TMEM201: variants seen among roughly 807,000 people sequenced by gnomAD.
The protein encoded by TMEM201 is transmembrane protein 201, also known as RP13-15M17.2.
A neutral mutation model predicts 63.4 loss-of-function variants in TMEM201; 26 were observed. That is an observed-to-expected ratio of 0.41 (90% CI 0.30 to 0.57). The LOEUF is 0.57. TMEM201 is among the 20% of genes least tolerant of loss of function. TMEM201 has a pLI of 0.29. For missense variants in TMEM201, 794 were observed against 917.7 expected (o/e 0.87, Z 1.74); for synonymous variants, 417 against 421.6 (o/e 0.99, Z 0.14).
Position 9,604,641 on chromosome 1 carries a change from G to A in TMEM201, c.1160+2369G>A, listed in dbSNP as rs78370542. On this transcript the variant is annotated intron_variant, in intron 6 of 10. Coordinates refer to ENST00000340381, the MANE Select transcript of TMEM201 (RefSeq NM_001130924.3). The surrounding 1 kb of genome is among the most constrained non-coding windows in gnomAD (Gnocchi z 4.1). ...GGGTGACCGTCCCTGAGACATAAGC[G>A]AGGTAGATTCAGCCATCCTCACCCT... 1.4e-3 allele frequency: 1,382 copies of A among 985,584 alleles called. 19 individuals carry two copies. In the African/African-American group the frequency reaches 0.023, roughly 16 times the overall value. The allele number at this position is 985,584 out of a possible 1,614,324, so 61.1% of individuals were successfully genotyped here. A position where few individuals can be genotyped will look rare whatever the true frequency, so the allele number is the denominator to read the frequency against.
Position 9,605,014 on chromosome 1 carries a change from G to C in TMEM201, c.1161-2543G>C. 1 of 985,758 alleles carries C rather than the reference G, an allele frequency of 1.0e-6. No individual in the cohort carries two copies. Among genetic ancestry groups the C allele is most frequent in the Non-Finnish European group, 1.2e-6 (1 of 829,958 alleles). The allele number at this position is 985,758 out of a possible 1,614,324, so 61.1% of individuals were successfully genotyped here. On this transcript the variant is annotated intron_variant, in intron 6 of 10. Transcript: ENST00000340381. The surrounding 1 kb of genome is among the most constrained non-coding windows in gnomAD (Gnocchi z 5.7). ...TTCTTTCAGAAGGGCTCTGTGCCAG[G>C]GCTGGGGTGGGCAGCTGTGTTTGGG...
intron 1 of TMEM201, among the ~76,000 whole-genome samples, chr1:9,592,323 A>T (rs1391335478): frequency 2.6e-5 from 4 of 152,024 alleles, no homozygotes; most frequent in Admixed American, 2.6e-4. Context: ...AGGGAACCTG[A>T]CTCTTACAGT....
chr1:9,589,689 G>A (rs898153779), intron 1 of TMEM201, among the ~76,000 whole-genome samples: 8 of 152,372 alleles, frequency 5.3e-5, no homozygotes, highest in Non-Finnish European at 1.2e-4. Context: ...CGGGCCCCCG[G>A]GTTCAGATCC....
chr1:9,611,131 AT>A (rs922885713), intron 9 of TMEM201: 1 of 1,226,210 alleles, frequency 8.2e-7, no homozygotes, highest in African/African-American at 1.5e-5. Flanking sequence ...AGCATTTAAA[AT>A]GTTTATAGTT....
rs115348382 is a variant in TMEM201 at position 9,595,845 on chromosome 1, G to A, written c.114-45G>A. The A allele has an allele frequency of 4.9e-3, 7,836 of 1,609,312 alleles. 18 individuals are homozygous for A. Among genetic ancestry groups the A allele is most frequent in the Non-Finnish European group, 5.9e-3 (6,990 of 1,179,576 alleles). ...GGGCATGGAGGTCCCTCTCCAGCAG[G>A]TGCTGGGGTCTTCCAGGCCAACCCG... is the stretch of plus-strand genomic sequence containing the variant. On this transcript the variant is annotated intron_variant, in intron 1 of 10. Transcript: ENST00000340381.
chr1:9,591,541 C>T (rs921359248), intron 1 of TMEM201, among the ~76,000 whole-genome samples: 2 of 152,244 alleles, frequency 1.3e-5, no homozygotes, highest in Admixed American at 1.3e-4. Context: ...GACGCTGCTG[C>T]TCGGGTGCCT....
Position 9,613,009 on chromosome 1 carries a change from C to G in TMEM201, c.1927C>G (p.Arg643Gly). The change falls in exon 11 of 11, where the codon CGG becomes GGG. Residue 643 changes from arginine to glycine, a missense_variant. Coordinates refer to ENST00000340381, the MANE Select transcript of TMEM201 (RefSeq NM_001130924.3). ...WRGRFGPSLV[R>G]GLLAVSLAAN... ...AGGTCGTTTCGGCCCTTCCCTGGTC[C>G]GGGGCCTCCTGGCCGTGAGCTTGGC... 19 of 1,551,548 alleles carry G rather than the reference C, an allele frequency of 1.2e-5. No homozygotes were observed. Among genetic ancestry groups the G allele is most frequent in the Non-Finnish European group, 1.7e-5 (19 of 1,146,950 alleles).
At chr1:9,591,682 A>G (rs1303540747) in intron 1 of TMEM201, among the ~76,000 whole-genome samples, 2 of 152,224 alleles carry the variant, frequency 1.3e-5, no homozygotes, top group Non-Finnish European at 2.9e-5. Flanking sequence ...TTTGGGGACA[A>G]AGAGGATGCA....
chr1:9,602,593 C>A lies in TMEM201; in HGVS notation c.1160+321C>A, dbSNP rs552829434. The A allele has an allele frequency of 7.1e-6, 9 of 1,259,220 alleles. No individual in the cohort carries two copies. The East Asian group carries it at 3.3e-4, about 46-fold the overall frequency. The allele number at this position is 1,259,220 out of a possible 1,614,324, so 78.0% of individuals were successfully genotyped here. ...GGCAGCGCCCACACAGGCTCTGGCC[C>A]ATGGCTTCCTACTGGCAGCTCCAGG... is the stretch of plus-strand genomic sequence containing the variant. On this transcript the variant is annotated intron_variant, in intron 6 of 10. Transcript: ENST00000340381.
Position 9,610,560 on chromosome 1 carries a change from C to T in TMEM201, c.1520C>T (p.Ala507Val), listed in dbSNP as rs1485579280. ...SCPSSPLPSP[A>V]PSVAGSVASS... ...CCCTCCTCCCCACTCCCTTCCCCAGCGCCTTCCGTGGCCGGCTCGGTGGCC... is the reference window on the plus strand; with the variant it reads ...CCCTCCTCCCCACTCCCTTCCCCAGTGCCTTCCGTGGCCGGCTCGGTGGCC... Residue 507 changes from alanine to valine, a missense_variant, in exon 9 of 11, where the codon GCG becomes GTG. Physicochemically the swap from Ala to Val is moderately conservative, Grantham distance 64 (BLOSUM62 0). Transcript: ENST00000340381. This position sits in a 1 kb window ranked among gnomAD's most constrained non-coding sequence, Gnocchi z 4.9. The T allele has an allele frequency of 8.4e-6, 13 of 1,549,692 alleles. No homozygotes were observed. The highest frequency in any genetic ancestry group is 7.3e-5 in the East Asian group (3 of 40,918).
In TMEM201 at chr1:9,603,427, T is replaced by TC; in HGVS notation, c.1160+1158dup. 1 of 985,304 alleles carries TC rather than the reference T, an allele frequency of 1.0e-6. No homozygotes were observed. Among genetic ancestry groups the TC allele is most frequent in the Non-Finnish European group, 1.2e-6 (1 of 829,952 alleles). The allele number at this position is 985,304 out of a possible 1,614,324, so 61.0% of individuals were successfully genotyped here. A position where few individuals can be genotyped will look rare whatever the true frequency, so the allele number is the denominator to read the frequency against. On this transcript the variant is annotated intron_variant, in intron 6 of 10. Transcript: ENST00000340381. This position sits in a 1 kb window ranked among gnomAD's most constrained non-coding sequence, Gnocchi z 4.5. ...CCGGCCTGGGGGCTTTATCCAGGGG[T>TC]CCCAGTCGAGAGTGGCCCGAGGCCG...
intron 1 of TMEM201, among the ~76,000 whole-genome samples, 153 bp downstream of exon 1, chr1:9,589,196 G>T (rs1643879506): frequency 1.3e-5 from 2 of 150,508 alleles, no homozygotes; most frequent in Non-Finnish European, 3.0e-5. Flanking sequence ...CCGAGACCGG[G>T]TTGAGACTGC....
At position 9,608,554 on chromosome 1, in the gene TMEM201, G is replaced by C. The variant is rs1009320582; in HGVS notation, c.1393+765G>C. On this transcript the variant is annotated intron_variant, in intron 7 of 10. Transcript: ENST00000340381. The surrounding 1 kb of genome is among the most constrained non-coding windows in gnomAD (Gnocchi z 4.3). ...AAGCAGAGATACCCCCCTATTTTCA[G>C]GGCACCCCAGCCTGGTGGCACTTGA... 2.0e-5 allele frequency among the ~76,000 whole-genome samples: 3 copies of C among 152,218 alleles called. No individual in the cohort carries two copies. The highest frequency in any genetic ancestry group is 4.4e-5 in the Non-Finnish European group (3 of 68,030).
chr1:9,612,018 A>G (rs1644331368), intron 10 of TMEM201, 128 bp downstream of exon 10: 1 of 1,140,264 alleles, frequency 8.8e-7, no homozygotes, highest in Non-Finnish European at 1.2e-6. Flanking sequence ...GTGGCCGACA[A>G]GTAACCCACC....
At chr1:9,602,815 G>C (rs774581410) in intron 6 of TMEM201, 348 of 987,882 alleles carry the variant, frequency 3.5e-4, no homozygotes, top group Non-Finnish European at 4.1e-4. Context: ...GAGCACCTGT[G>C]GTCTGTCCCC....
At chr1:9,606,094 C>G (rs1557559783) in intron 6 of TMEM201, 1 of 152,316 alleles carries the variant, frequency 6.6e-6, no homozygotes, top group Non-Finnish European at 1.5e-5. Context: ...TAAAGGTGCC[C>G]TCAGGGTCAT....
At chr1:9,595,002 T>C (rs2100458886) in intron 1 of TMEM201, among the ~76,000 whole-genome samples, 1 of 151,390 alleles carries the variant, frequency 6.6e-6, no homozygotes, top group Admixed American at 6.5e-5. Context: ...GAGCTGGAGG[T>C]GGCCCCTGGG....
At position 9,603,642 on chromosome 1, in the gene TMEM201, G is replaced by C; in HGVS notation, c.1160+1370G>C. 1.0e-6 allele frequency: 1 copy of C among 985,478 alleles called. No individual in the cohort carries two copies. The highest frequency in any genetic ancestry group is 1.7e-5 in the African/African-American group (1 of 57,354). 61.0% of individuals were successfully genotyped at this position (985,478 alleles called of 1,614,324 possible). A position where few individuals can be genotyped will look rare whatever the true frequency, so the allele number is the denominator to read the frequency against. Reference sequence around the variant, plus strand: ...TGCATGAGGGTTACACCCGTCACCTGGGTCTGCCGGGATGGGTTGGGGGGG... The same window carrying C: ...TGCATGAGGGTTACACCCGTCACCTCGGTCTGCCGGGATGGGTTGGGGGGG... On this transcript the variant is annotated intron_variant, in intron 6 of 10. Coordinates refer to ENST00000340381, the MANE Select transcript of TMEM201 (RefSeq NM_001130924.3). The surrounding 1 kb of genome is among the most constrained non-coding windows in gnomAD (Gnocchi z 4.5).
intron 10 of TMEM201, among the ~76,000 whole-genome samples, chr1:9,612,229 C>T (rs1435424375): frequency 1.3e-5 from 2 of 152,202 alleles, no homozygotes; most frequent in African/African-American, 2.4e-5. Flanking sequence ...ACCTGTGGCC[C>T]GTGGCTGGCA....
Sources: gnomAD v4.1 joint callset for allele counts (sites outside exome capture counted in the v4.1 genomes callset) on GRCh38, gnomAD v4.1.1 for gene constraint, Gnocchi (gnomAD v3.1) non-coding constraint, MANE v1.5 for transcripts, NCBI Gene and HGNC (gene_info 2026-07-23, HGNC 2026-07-21) for gene names.